The following GPC5 variants were observed in gnomAD, a reference collection of about 807,000 sequenced individuals.
GPC5 encodes glypican-5.
GPC5 carries 47 observed loss-of-function variants against 53.9 expected under a neutral mutation model. The ratio of observed to expected loss-of-function variants is 0.87; its 90% CI spans 0.69 to 1.11. The LOEUF is 1.11. Among genes scored for constraint, GPC5 ranks in the 50% most tolerant of loss-of-function variants. The pLI is 0.00. For synonymous variants in GPC5, 286 were observed against 263.3 expected (o/e 1.09, Z -0.84); for missense variants, 748 against 713.1 (o/e 1.05, Z -0.56).
chr13:92,353,189 A>G (rs980415316), intron 7 of GPC5, among the ~76,000 whole-genome samples: 2 of 145,060 alleles, frequency 1.4e-5, no homozygotes, highest in South Asian at 2.3e-4. Context: ...GAACCCGGGA[A>G]GCGGAGCTTG....
chr13:92,591,562 A>G (rs1049781261), intron 7 of GPC5, among the ~76,000 whole-genome samples: 28 of 152,204 alleles, frequency 1.8e-4, no homozygotes, highest in African/African-American at 5.3e-4. Context: ...TAGTTAATAC[A>G]TTGATTACCA....
At chr13:92,273,766 TCC>T (rs2042856243) in intron 7 of GPC5, among the ~76,000 whole-genome samples, 1 of 152,012 alleles carries the variant, frequency 6.6e-6, no homozygotes, top group South Asian at 2.1e-4. Flanking sequence ...GAACAGTAAA[TCC>T]AAGGTTCAGG....
At position 92,073,706 on chromosome 13, in the gene GPC5, C is replaced by T. The variant is rs530745776; in HGVS notation, c.1402-71124C>T. Among the ~76,000 whole-genome samples the T allele has an allele frequency of 3.9e-5, 6 of 152,258 alleles. No individual in the cohort carries two copies. In the East Asian group the frequency reaches 9.7e-4, roughly 25 times the overall value. On this transcript the variant is annotated intron_variant, in intron 6 of 7. Coordinates refer to ENST00000377067, the MANE Select transcript of GPC5 (RefSeq NM_004466.6). ...CTCTTCTTGAGGTCTCTGTATACTGCTTGGTTCAAATAATATGGAGTTACC... is the reference window on the plus strand; with the variant it reads ...CTCTTCTTGAGGTCTCTGTATACTGTTTGGTTCAAATAATATGGAGTTACC...
At chr13:91,749,864 G>A (rs908211760) in intron 4 of GPC5, among the ~76,000 whole-genome samples, 1 of 152,358 alleles carries the variant, frequency 6.6e-6, no homozygotes, top group Middle Eastern at 3.4e-3. Flanking sequence ...AGGCTGGAGT[G>A]CAGTGGCACA....
chr13:92,841,911 T>TTGGTAGCTCTCTG lies in GPC5; in HGVS notation c.1562-24371_1562-24370insTGGTAGCTCTCTG, dbSNP rs1284032087. 2.0e-5 allele frequency among the ~76,000 whole-genome samples: 3 copies of TTGGTAGCTCTCTG among 152,210 alleles called. No homozygotes were observed. In the South Asian group the frequency reaches 6.2e-4, roughly 32 times the overall value. ...TTGACATGTTCCTCTCTCTCTTCCA[T>TTGGTAGCTCTCTG]CTCCCTTGAATTGGTAGCATGATTT... On this transcript the variant is annotated intron_variant, in intron 7 of 7. Coordinates refer to ENST00000377067, the MANE Select transcript of GPC5 (RefSeq NM_004466.6).
At chr13:91,576,786 C>T (rs1466389637) in intron 2 of GPC5, among the ~76,000 whole-genome samples, 2 of 152,134 alleles carry the variant, frequency 1.3e-5, no homozygotes, top group African/African-American at 4.8e-5. Context: ...GCAGAAATCT[C>T]CTGTCATCGC....
intron 7 of GPC5, among the ~76,000 whole-genome samples, chr13:92,362,088 G>A (rs2043572322): frequency 6.6e-6 from 1 of 151,620 alleles, no homozygotes; most frequent in Admixed American, 6.6e-5. Context: ...TTTAGCTTGG[G>A]TAAAAGTCAT....
At chr13:91,582,338 G>C (rs959509666) in intron 2 of GPC5, among the ~76,000 whole-genome samples, 8 of 152,046 alleles carry the variant, frequency 5.3e-5, no homozygotes, top group African/African-American at 1.9e-4. Context: ...ATATTCTCTG[G>C]AGAAAGATAA....
At chr13:91,983,650 T>C (rs1282353439) in intron 6 of GPC5, among the ~76,000 whole-genome samples, 4 of 152,172 alleles carry the variant, frequency 2.6e-5, no homozygotes, top group Admixed American at 2.0e-4. Context: ...TGCAGCATTT[T>C]CTAATGTGTA....
chr13:91,609,213 A>G (rs1221975919), intron 2 of GPC5, among the ~76,000 whole-genome samples: 3 of 151,272 alleles, frequency 2.0e-5, no homozygotes, highest in African/African-American at 2.4e-5. Flanking sequence ...ATCTAATAAG[A>G]TTCGAATGCT....
At chr13:92,770,373 CCACTGTACTCCAGCCTGGGTG>C (rs1875564982) in intron 7 of GPC5, among the ~76,000 whole-genome samples, 1 of 148,574 alleles carries the variant, frequency 6.7e-6, no homozygotes, top group Non-Finnish European at 1.5e-5. Flanking sequence ...CATGATGGCA[CCACTGTACTCCAGCCTGGGTG>C]ACCTAGTGAG....
intron 5 of GPC5, among the ~76,000 whole-genome samples, chr13:91,766,856 T>C (rs2037536241): frequency 6.6e-6 from 1 of 152,114 alleles, no homozygotes; most frequent in Admixed American, 6.5e-5. Flanking sequence ...AGAGACTTTA[T>C]CTCAAAAAAG....
intron 7 of GPC5, among the ~76,000 whole-genome samples, chr13:92,674,814 C>A (rs34989016): frequency 0.22 from 33,621 of 151,956 alleles, 4,387 homozygotes; most frequent in South Asian, 0.36. Context: ...CTTTCAGAAC[C>A]TCACTTTAGA....
intron 2 of GPC5, among the ~76,000 whole-genome samples, chr13:91,579,844 C>G (rs975353495): frequency 6.6e-6 from 1 of 151,714 alleles, no homozygotes; most frequent in Non-Finnish European, 1.5e-5. Context: ...CCTGGTTGGT[C>G]TCGAACTCCT....
At chr13:92,193,044 G>A (rs1419233436) in intron 7 of GPC5, among the ~76,000 whole-genome samples, 5 of 151,986 alleles carry the variant, frequency 3.3e-5, no homozygotes, top group Admixed American at 2.0e-4. Flanking sequence ...GTGTGTTGGC[G>A]AGTGCCTGTA....
chr13:91,878,292 C>G (rs749646028), intron 5 of GPC5, among the ~76,000 whole-genome samples: 3 of 152,104 alleles, frequency 2.0e-5, no homozygotes, highest in South Asian at 2.1e-4. Context: ...TGCTCTCCTA[C>G]ATATCTCCTT....
At chr13:92,818,264 C>T (rs953860710) in intron 7 of GPC5, among the ~76,000 whole-genome samples, 1 of 151,934 alleles carries the variant, frequency 6.6e-6, no homozygotes, top group African/African-American at 2.4e-5. Flanking sequence ...ACTGCTTCGG[C>T]CTCCCAAAGT....
chr13:92,671,333 A>T (rs1322965467), intron 7 of GPC5, among the ~76,000 whole-genome samples: 1 of 152,220 alleles, frequency 6.6e-6, no homozygotes, highest in Non-Finnish European at 1.5e-5. Flanking sequence ...GTGCTCAGCC[A>T]TGGATTCACT....
At chr13:92,006,153 T>C (rs2040604872) in intron 6 of GPC5, among the ~76,000 whole-genome samples, 1 of 151,258 alleles carries the variant, frequency 6.6e-6, no homozygotes, top group Non-Finnish European at 1.5e-5. Context: ...TTGTGGCTTT[T>C]ATGACATATG....
Sources: allele counts gnomAD v4.1 joint callset (sites outside exome capture counted in the v4.1 genomes callset), GRCh38; gene constraint gnomAD v4.1.1; transcripts MANE v1.5; gene names NCBI Gene and HGNC (gene_info 2026-07-23, HGNC 2026-07-21).